NEK1: variants seen among roughly 807,000 people sequenced by gnomAD.
NEK1 encodes serine/threonine-protein kinase Nek1.
A neutral mutation model predicts 182.1 loss-of-function variants in NEK1; 137 were observed. That is an observed-to-expected ratio of 0.75 (90% CI 0.65 to 0.87). NEK1 has a LOEUF of 0.87. Ranked by LOEUF, NEK1 falls within the 40% of genes least tolerant of loss-of-function variation. The pLI is 0.00. For synonymous variants in NEK1, 513 were observed against 492.2 expected (o/e 1.04, Z -0.56); for missense variants, 1,391 against 1,494.4 (o/e 0.93, Z 1.14).
intron 26 of NEK1, among the ~76,000 whole-genome samples, chr4:169,464,853 C>A (rs2149507209): frequency 6.6e-6 from 1 of 152,100 alleles, no homozygotes; most frequent in African/African-American, 2.4e-5. Context: ...CAAATAACTG[C>A]TACTTCCTTA....
intron 31 of NEK1, among the ~76,000 whole-genome samples, chr4:169,410,311 A>G (rs1733450221): frequency 6.6e-6 from 1 of 152,026 alleles, no homozygotes; most frequent in Non-Finnish European, 1.5e-5. Flanking sequence ...TTCAGTTTTT[A>G]TTGCTGGTTA....
chr4:169,436,972 T>C (rs1454782695), intron 28 of NEK1, among the ~76,000 whole-genome samples: 2 of 152,184 alleles, frequency 1.3e-5, no homozygotes, highest in African/African-American at 2.4e-5. Flanking sequence ...CAAAATTATT[T>C]AGAAATTCTG....
At chr4:169,417,421 T>C (rs1734733676) in intron 31 of NEK1, among the ~76,000 whole-genome samples, 2 of 152,202 alleles carry the variant, frequency 1.3e-5, no homozygotes, top group Non-Finnish European at 2.9e-5. Flanking sequence ...ACTTCTGGTT[T>C]CTATTTGGAC....
At chr4:169,483,693 T>C (rs1748516670) in intron 23 of NEK1, among the ~76,000 whole-genome samples, 1 of 151,690 alleles carries the variant, frequency 6.6e-6, no homozygotes, top group East Asian at 1.9e-4. Flanking sequence ...GGTGAAACCC[T>C]CTCTCTACTA....
intron 31 of NEK1, among the ~76,000 whole-genome samples, chr4:169,412,255 C>A (rs931193846): frequency 4.6e-5 from 7 of 152,190 alleles, no homozygotes; most frequent in African/African-American, 1.2e-4. Flanking sequence ...ACCAAACAGG[C>A]TTAACCAGTT....
chr4:169,597,584 T>C (rs1769733943), intron 5 of NEK1, among the ~76,000 whole-genome samples: 1 of 152,150 alleles, frequency 6.6e-6, no homozygotes, highest in Non-Finnish European at 1.5e-5. Context: ...AGCCATGAGC[T>C]GTGATGGTGC....
At chr4:169,552,251 T>G (rs774090172) in intron 18 of NEK1, among the ~76,000 whole-genome samples, 10 of 152,070 alleles carry the variant, frequency 6.6e-5, no homozygotes, top group Admixed American at 2.0e-4. Context: ...TTTTTATTCT[T>G]ATAGCAAAAT....
At chr4:169,538,033 T>C (rs1758788095) in intron 18 of NEK1, 122 bp from the exon 19 acceptor site, 3 of 616,780 alleles carry the variant, frequency 4.9e-6, no homozygotes, top group Non-Finnish European at 8.5e-6. Context: ...AAACACTATC[T>C]CTGTAATGAA....
chr4:169,595,597 A>T (rs1254804375), intron 5 of NEK1, among the ~76,000 whole-genome samples: 2 of 152,154 alleles, frequency 1.3e-5, no homozygotes, highest in African/African-American at 4.8e-5. Flanking sequence ...ATTTTCATGT[A>T]ATCAGTTATG....
At chr4:169,581,303 T>C (rs1201803884) in intron 10 of NEK1, among the ~76,000 whole-genome samples, 1 of 152,224 alleles carries the variant, frequency 6.6e-6, no homozygotes, top group Non-Finnish European at 1.5e-5. Flanking sequence ...GGTCTCACTT[T>C]GTTGCTCAGG....
chr4:169,452,231 C>A (rs1361466277), intron 27 of NEK1, among the ~76,000 whole-genome samples: 1 of 152,138 alleles, frequency 6.6e-6, no homozygotes, highest in Non-Finnish European at 1.5e-5. Flanking sequence ...CTGAATTCTA[C>A]CAGAGGTACA....
chr4:169,610,280 G>C (rs1398274986), intron 2 of NEK1, among the ~76,000 whole-genome samples: 1 of 151,998 alleles, frequency 6.6e-6, no homozygotes, highest in Non-Finnish European at 1.5e-5. Context: ...GGGAATACAG[G>C]TGTGAGCCAC....
At chr4:169,556,434 G>T (rs1036231445) in intron 16 of NEK1, among the ~76,000 whole-genome samples, 1 of 152,052 alleles carries the variant, frequency 6.6e-6, no homozygotes, top group African/African-American at 2.4e-5. Flanking sequence ...CTGTTCCGTT[G>T]TTTATGTATA....
At chr4:169,592,141 G>C (rs1768628284) in intron 5 of NEK1, among the ~76,000 whole-genome samples, 1 of 152,122 alleles carries the variant, frequency 6.6e-6, no homozygotes, top group African/African-American at 2.4e-5. Context: ...ACAGGTGTTT[G>C]TGAAAAGGTT....
At chr4:169,453,835 CCT>C (rs1742319251) in intron 27 of NEK1, among the ~76,000 whole-genome samples, 1 of 152,088 alleles carries the variant, frequency 6.6e-6, no homozygotes. Context: ...CTGTGAGACC[CCT>C]GATTTCCCAC....
In NEK1 at chr4:169,399,795, T is replaced by A. The variant is rs79425786; in HGVS notation, c.3847+430A>T. Reference sequence around the variant, plus strand: ...ACCACTATGCCTAGCTAATTAAAAATTTTTTTGTGTGTAGAGATAGGGTTT... The same window carrying A: ...ACCACTATGCCTAGCTAATTAAAAAATTTTTTGTGTGTAGAGATAGGGTTT... On this transcript the variant is annotated intron_variant, in intron 35 of 35. Coordinates refer to ENST00000507142, the MANE Select transcript of NEK1 (RefSeq NM_001199397.3). Among the ~76,000 whole-genome samples the A allele has an allele frequency of 2.2e-4, 33 of 151,938 alleles. 1 individual carries two copies. The highest frequency in any genetic ancestry group is 7.3e-4 in the African/African-American group (30 of 41,370).
chr4:169,576,958 G>C lies in NEK1; in HGVS notation c.990C>G (p.His330Gln), dbSNP rs775175372. The C allele has an allele frequency of 1.9e-6, 3 of 1,610,318 alleles. No homozygotes were observed. The highest frequency in any genetic ancestry group is 2.5e-6 in the Non-Finnish European group (3 of 1,178,196). ...AYKKYGDKKL[H>Q]EKKPLQKHKQ... is the part of the protein sequence containing the mutation. ...TATGTTTTTGCAGTGGTTTCTTTTC[G>C]TGTAATTTTTTATCTCCATATTTCT... The change falls in exon 12 of 36, where the codon CAC becomes CAG. Residue 330 changes from histidine (H) to glutamine (Q), a missense_variant. By Grantham distance (24) the His-to-Gln change is conservative. Around this residue, in one of 5 missense-constraint regions of NEK1, gnomAD observed 1,216 missense variants for 1,277.6 expected, o/e 0.95. Transcript: ENST00000507142.
intron 23 of NEK1, among the ~76,000 whole-genome samples, chr4:169,489,830 A>G (rs1749737296): frequency 6.6e-6 from 1 of 152,044 alleles, no homozygotes; most frequent in Admixed American, 6.6e-5. Flanking sequence ...TATCCCTGCT[A>G]CCTGGGCCCA....
At chr4:169,483,215 C>T (rs998015918) in intron 23 of NEK1, among the ~76,000 whole-genome samples, 1 of 152,166 alleles carries the variant, frequency 6.6e-6, no homozygotes, top group Admixed American at 6.5e-5. Flanking sequence ...GCAATTAGAA[C>T]ACACACATTC....
Sources: allele counts gnomAD v4.1 joint callset (sites outside exome capture counted in the v4.1 genomes callset), GRCh38; gene constraint gnomAD v4.1.1; regional missense constraint gnomAD v4.1.1; transcripts MANE v1.5; gene names NCBI Gene and HGNC (gene_info 2026-07-23, HGNC 2026-07-21).